Variants in EPHA6 observed in about 807,000 individuals in gnomAD.
EPHA6 encodes EPH receptor A6, also known as ephrin type-A receptor 6.
In EPHA6, 50 loss-of-function variants were observed where a neutral mutation model predicts 112.0. The observed-to-expected ratio is 0.45, with a 90% CI of 0.36 to 0.56. The LOEUF (loss-of-function observed/expected upper bound fraction) is 0.56. EPHA6 is among the 20% of genes least tolerant of loss of function. The probability of loss-of-function intolerance (pLI) is 0.00; values close to 1 mark genes in which losing one functional copy is unlikely to be tolerated. For synonymous variants in EPHA6, 529 were observed against 490.7 expected (o/e 1.08, Z -1.03); for missense variants, 1,280 against 1,417.4 (o/e 0.90, Z 1.56).
chr3:97,741,564 T>C (rs1010934340), intron 16 of EPHA6, among the ~76,000 whole-genome samples: 4 of 152,084 alleles, frequency 2.6e-5, no homozygotes, highest in African/African-American at 9.7e-5. Context: ...CTCACTGTTA[T>C]TATTCCCATC....
intron 3 of EPHA6, among the ~76,000 whole-genome samples, chr3:97,041,956 A>G (rs1010299347): frequency 1.3e-5 from 2 of 152,122 alleles, no homozygotes; most frequent in Non-Finnish European, 2.9e-5. Context: ...GGGTAGGGAC[A>G]CAAATCCAAA....
intron 10 of EPHA6, among the ~76,000 whole-genome samples, chr3:97,530,871 G>C (rs1189820545): frequency 6.6e-6 from 1 of 151,992 alleles, no homozygotes; most frequent in Non-Finnish European, 1.5e-5. Flanking sequence ...CCAAAAGGTA[G>C]TTAATATTCA....
intron 5 of EPHA6, among the ~76,000 whole-genome samples, chr3:97,324,445 C>CTTTCTT (rs557989861): frequency 2.7e-5 from 4 of 147,092 alleles, no homozygotes; most frequent in South Asian, 2.2e-4. Flanking sequence ...TTCTTTCTTT[C>CTTTCTT]TTTCTTTCTT....
Position 97,311,150 on chromosome 3 carries a change from C to T in EPHA6, c.1606+66863C>T, listed in dbSNP as rs371538109. 1.6e-4 allele frequency among the ~76,000 whole-genome samples: 24 copies of T among 151,640 alleles called. No homozygotes were observed. The East Asian group carries it at 1.9e-3, about 12-fold the overall frequency. On this transcript the variant is annotated intron_variant, in intron 5 of 17. Transcript: ENST00000389672. ...AAAATATTTCCTCTATTTCTCTTCTCCATGCTGAAACATGGAAGTATTGAT... is the reference window on the plus strand; with the variant it reads ...AAAATATTTCCTCTATTTCTCTTCTTCATGCTGAAACATGGAAGTATTGAT...
intron 7 of EPHA6, among the ~76,000 whole-genome samples, chr3:97,468,620 A>T (rs1374635578): frequency 2.6e-5 from 4 of 151,610 alleles, no homozygotes; most frequent in African/African-American, 9.7e-5. Context: ...TACCCACATT[A>T]TTTTCTATTA....
chr3:97,596,495 T>C (rs1428077345), intron 12 of EPHA6, among the ~76,000 whole-genome samples: 2 of 151,982 alleles, frequency 1.3e-5, no homozygotes, highest in African/African-American at 2.4e-5. Context: ...GAGTAACATA[T>C]AGAAATTTCA....
intron 5 of EPHA6, among the ~76,000 whole-genome samples, chr3:97,276,004 A>G (rs1332609556): frequency 6.6e-6 from 1 of 152,102 alleles, no homozygotes; most frequent in African/African-American, 2.4e-5. Flanking sequence ...GCATAAAATA[A>G]TGTTGTCCAA....
intron 3 of EPHA6, among the ~76,000 whole-genome samples, chr3:97,040,462 A>G (rs1053688956): frequency 1.3e-5 from 2 of 152,024 alleles, no homozygotes; most frequent in East Asian, 3.9e-4. Flanking sequence ...AAGATAATAG[A>G]TCTTTATTAA....
intron 11 of EPHA6, among the ~76,000 whole-genome samples, chr3:97,586,298 A>G (rs1385595280): frequency 2.0e-5 from 3 of 152,238 alleles, no homozygotes; most frequent in Non-Finnish European, 2.9e-5. Flanking sequence ...CCAAGACTGC[A>G]TGTTTTCAGT....
chr3:97,152,601 A>G (rs2076196788), intron 3 of EPHA6, among the ~76,000 whole-genome samples: 1 of 151,962 alleles, frequency 6.6e-6, no homozygotes, highest in African/African-American at 2.4e-5. Context: ...GCAGAATTAG[A>G]CTTTCCATCT....
At chr3:97,572,147 C>CTTTTTTTTT (rs869271956) in intron 11 of EPHA6, among the ~76,000 whole-genome samples, 1 of 128,364 alleles carries the variant, frequency 7.8e-6, no homozygotes, top group Non-Finnish European at 1.7e-5. Context: ...ATCTCTTTTC[C>CTTTTTTTTT]TTTTTTTTTT....
intron 1 of EPHA6, among the ~76,000 whole-genome samples, chr3:96,852,506 A>G (rs368230650): frequency 6.6e-6 from 1 of 151,578 alleles, no homozygotes; most frequent in East Asian, 2.0e-4. Context: ...AAGTTCCTTT[A>G]TAAGTTTAGA....
intron 14 of EPHA6, among the ~76,000 whole-genome samples, chr3:97,673,877 T>A (rs2031107032): frequency 6.6e-6 from 1 of 152,226 alleles, no homozygotes; most frequent in South Asian, 2.1e-4. Flanking sequence ...CAATAATTTT[T>A]TAGTTGTAGC....
intron 14 of EPHA6, among the ~76,000 whole-genome samples, chr3:97,645,512 T>C (rs1014407249): frequency 2.0e-5 from 2 of 102,144 alleles, no homozygotes; most frequent in African/African-American, 7.6e-5. Flanking sequence ...CTGGGGACTG[T>C]GGTGGGGTGG....
At chr3:97,293,425 G>A (rs551800465) in intron 5 of EPHA6, among the ~76,000 whole-genome samples, 1 of 150,568 alleles carries the variant, frequency 6.6e-6, no homozygotes, top group Non-Finnish European at 1.5e-5. Flanking sequence ...CTTTCTGTTG[G>A]CAGGCAGGTC....
chr3:97,372,701 T>C (rs2085127641), intron 5 of EPHA6, among the ~76,000 whole-genome samples: 1 of 152,106 alleles, frequency 6.6e-6, no homozygotes, highest in African/African-American at 2.4e-5. Context: ...ATATACATAA[T>C]ATAATCCATT....
intron 3 of EPHA6, among the ~76,000 whole-genome samples, chr3:97,085,405 T>G (rs944510877): frequency 6.6e-6 from 1 of 152,234 alleles, no homozygotes; most frequent in East Asian, 1.9e-4. Context: ...AATGCTATAA[T>G]AAACATAAAG....
chr3:96,864,730 G>A (rs1309090550), intron 1 of EPHA6, among the ~76,000 whole-genome samples: 6 of 151,742 alleles, frequency 4.0e-5, no homozygotes, highest in Admixed American at 3.9e-4. Context: ...TAAGACATGG[G>A]GAAACTTATA....
intron 16 of EPHA6, among the ~76,000 whole-genome samples, chr3:97,738,778 T>C (rs1486460): frequency 0.98 from 149,395 of 152,194 alleles, 73,345 homozygotes; most frequent in East Asian, 0.99. Flanking sequence ...GAAACCAAAT[T>C]GAAGTTTTTG....
Sources: gnomAD v4.1 joint callset for allele counts (sites outside exome capture counted in the v4.1 genomes callset) on GRCh38, gnomAD v4.1.1 for gene constraint, MANE v1.5 for transcripts, NCBI Gene and HGNC (gene_info 2026-07-23, HGNC 2026-07-21) for gene names.